The following NDUFA12 variants were observed in gnomAD, a reference collection of about 807,000 sequenced individuals.
NDUFA12 encodes the protein NADH dehydrogenase [ubiquinone] 1 alpha subcomplex subunit 12.
Under a neutral mutation model 20.3 loss-of-function variants are expected in NDUFA12, and 17 were observed. That is an observed-to-expected ratio of 0.84 (90% CI 0.57 to 1.26). The LOEUF is 1.26. NDUFA12 is among the 50% of genes most tolerant of loss of function. The pLI is 0.00. For synonymous variants in NDUFA12, 72 were observed against 63.6 expected, an observed-to-expected ratio of 1.13 and a Z score of -0.63; for missense variants, 191 against 183.7, an observed-to-expected ratio of 1.04 and a Z score of -0.23.
intron 3 of NDUFA12, among the ~76,000 whole-genome samples, chr12:94,976,068 A>G (rs544006637): frequency 6.6e-6 from 1 of 152,246 alleles, no homozygotes; most frequent in South Asian, 2.1e-4. Context: ...ATATTTTATG[A>G]CTTGAGAAAA....
At chr12:95,003,549 C>T (rs764655278) in intron 1 of NDUFA12, 46 bp downstream of exon 1, 2 of 1,594,248 alleles carry the variant, frequency 1.3e-6, no homozygotes, top group South Asian at 1.1e-5. Context: ...AATCAGCCAG[C>T]GAAAGTCCAG....
intron 3 of NDUFA12, among the ~76,000 whole-genome samples, chr12:94,972,974 C>T (rs926943129): frequency 6.7e-6 from 1 of 150,324 alleles, no homozygotes; most frequent in African/African-American, 2.5e-5. Context: ...CAGAGATGAC[C>T]TTATTGGGGG....
At chr12:94,982,223 C>T (rs1243951283) in intron 3 of NDUFA12, among the ~76,000 whole-genome samples, 1 of 151,988 alleles carries the variant, frequency 6.6e-6, no homozygotes, top group East Asian at 1.9e-4. Flanking sequence ...TGCAGTTGTT[C>T]ATGCAAGTGA....
intron 2 of NDUFA12, among the ~76,000 whole-genome samples, chr12:94,995,093 T>A (rs146172435): frequency 1.3e-5 from 2 of 152,316 alleles, no homozygotes; most frequent in African/African-American, 4.8e-5. Flanking sequence ...TGCTCTTACC[T>A]GCCAATAGGG....
Position 94,995,507 on chromosome 12 carries a change from C to A in NDUFA12, c.170-1250G>T, listed in dbSNP as rs75651761. Among the ~76,000 whole-genome samples, 935 of 152,232 alleles carry A rather than the reference C, an allele frequency of 6.1e-3. 11 individuals carry two copies. The highest frequency in any genetic ancestry group is 0.021 in the African/African-American group (878 of 41,536). ...GAAATGTTAAATGCCTATTCTCAGA[C>A]TCAGAAATTCAACTTTATTTATTTA... On this transcript the variant is annotated intron_variant, in intron 2 of 3. Transcript: ENST00000327772.
intron 3 of NDUFA12, among the ~76,000 whole-genome samples, chr12:94,975,309 G>T (rs1874031759): frequency 1.3e-5 from 2 of 151,950 alleles, no homozygotes; most frequent in South Asian, 4.2e-4. Flanking sequence ...ATAGAAAACT[G>T]GACAAAAAAC....
At chr12:94,985,973 T>C (rs971728117) in intron 3 of NDUFA12, among the ~76,000 whole-genome samples, 5 of 152,036 alleles carry the variant, frequency 3.3e-5, no homozygotes, top group African/African-American at 1.2e-4. Context: ...TAATCCTAGC[T>C]ACTCAGGAGG....
Position 94,994,186 on chromosome 12 carries a change from T to C in NDUFA12, c.241A>G (p.Met81Val), listed in dbSNP as rs1393624272. 1.2e-6 allele frequency: 2 copies of C among 1,614,110 alleles called. No individual in the cohort carries two copies. The highest frequency in any genetic ancestry group is 1.7e-6 in the Non-Finnish European group (2 of 1,179,944). The change falls in exon 3 of 4, where the codon ATG becomes GTG. Residue 81 changes from methionine (M) to valine (V), a missense_variant. Transcript: ENST00000327772. ...KNTFWDVDGSMVPPEWHRWLH... is the reference protein window; with the variant it reads ...KNTFWDVDGSVVPPEWHRWLH... ...TTAGCTTACCATTCAGGAGGCACCA[T>C]GCTTCCATCCACATCCCAGAATGTG...
At position 94,994,207 on chromosome 12, in the gene NDUFA12, A is replaced by C; in HGVS notation, c.220T>G (p.Phe74Val). The change falls in exon 3 of 4, where the codon TTC becomes GTC. Residue 74 changes from phenylalanine (F) to valine (V), a missense_variant. Physicochemically the swap from Phe to Val is conservative, Grantham distance 50. Transcript: ENST00000327772. ...ACCATGCTTCCATCCACATCCCAGA[A>C]TGTGTTTTTGCCATTCATTTCAGTA... is the stretch of plus-strand genomic sequence containing the variant. ...YTTEMNGKNTFWDVDGSMVPP... is the reference protein window; with the variant it reads ...YTTEMNGKNTVWDVDGSMVPP... The C allele has an allele frequency of 6.2e-7, 1 of 1,614,184 alleles. No individual in the cohort carries two copies. Among genetic ancestry groups the C allele is most frequent in the Non-Finnish European group, 8.5e-7 (1 of 1,180,018 alleles).
At chr12:94,994,456 C>T (rs1287395879) in intron 2 of NDUFA12, 199 bp from the exon 3 acceptor site, 4 of 544,844 alleles carry the variant, frequency 7.3e-6, no homozygotes, top group Admixed American at 3.1e-5. Context: ...AGCAGCAACC[C>T]GCAGCAAGGA....
chr12:95,001,776 C>T (rs904349404), intron 2 of NDUFA12, among the ~76,000 whole-genome samples: 4 of 152,056 alleles, frequency 2.6e-5, no homozygotes, highest in Non-Finnish European at 5.9e-5. Flanking sequence ...GGGATCTGGG[C>T]TCACTGCAAC....
In NDUFA12 at chr12:94,992,678, G is replaced by A. The variant is rs115481815; in HGVS notation, c.257+1492C>T. On this transcript the variant is annotated intron_variant, in intron 3 of 3. Coordinates refer to ENST00000327772, the MANE Select transcript of NDUFA12 (RefSeq NM_018838.5). ...GCTCACTCTCTCAGAGCACTTGCCT[G>A]TGTCAGCCCAGGCAACAGGAAGGTG... is the stretch of plus-strand genomic sequence containing the variant. 4.8e-3 allele frequency among the ~76,000 whole-genome samples: 738 copies of A among 152,312 alleles called. 7 individuals are homozygous for A. Among genetic ancestry groups the A allele is most frequent in the African/African-American group, 0.017 (710 of 41,560 alleles).
chr12:94,984,815 T>C (rs1874363842), intron 3 of NDUFA12, among the ~76,000 whole-genome samples: 1 of 148,658 alleles, frequency 6.7e-6, no homozygotes, highest in African/African-American at 2.5e-5. Flanking sequence ...CCATCTCTAT[T>C]AAAAATACAA....
intron 3 of NDUFA12, among the ~76,000 whole-genome samples, chr12:94,976,017 A>G (rs1347419280): frequency 6.6e-6 from 1 of 152,044 alleles, no homozygotes; most frequent in Non-Finnish European, 1.5e-5. Flanking sequence ...ACAGCGGGGG[A>G]TCCCATTTCT....
At chr12:94,988,047 T>A (rs1874512777) in intron 3 of NDUFA12, among the ~76,000 whole-genome samples, 1 of 152,176 alleles carries the variant, frequency 6.6e-6, no homozygotes, top group Non-Finnish European at 1.5e-5. Context: ...AGTCCCTTTG[T>A]CTTCTCATTT....
At chr12:94,984,697 C>T (rs12371669) in intron 3 of NDUFA12, among the ~76,000 whole-genome samples, 108,630 of 126,542 alleles carry the variant, frequency 0.86, 46,779 homozygotes, top group Middle Eastern at 0.9. Context: ...AAAATGACCC[C>T]CTCTAATGCT....
intron 2 of NDUFA12, 65 bp downstream of exon 2, chr12:95,002,674 A>T: frequency 8.3e-7 from 1 of 1,205,310 alleles, no homozygotes; most frequent in Non-Finnish European, 1.2e-6. Context: ...CATAATATGG[A>T]AAATAGACTC....
At chr12:94,994,479 A>G (rs1040187902) in intron 2 of NDUFA12, 1 of 517,210 alleles carries the variant, frequency 1.9e-6, no homozygotes, top group Admixed American at 3.2e-5. Flanking sequence ...GAGATGATTC[A>G]CTGCTGTGGG....
chr12:94,990,924 C>T (rs993785152), intron 3 of NDUFA12, among the ~76,000 whole-genome samples: 1 of 152,088 alleles, frequency 6.6e-6, no homozygotes, highest in African/African-American at 2.4e-5. Flanking sequence ...TCTGTCCAAT[C>T]GAGTAGCCTA....
Sources: gnomAD v4.1 joint callset for allele counts (sites outside exome capture counted in the v4.1 genomes callset) on GRCh38, gnomAD v4.1.1 for gene constraint, MANE v1.5 for transcripts, NCBI Gene and HGNC (gene_info 2026-07-23, HGNC 2026-07-21) for gene names.